Variants in HCN1 observed in about 807,000 individuals in gnomAD.
The protein encoded by HCN1 is potassium/sodium hyperpolarization-activated cyclic nucleotide-gated channel 1.
A neutral mutation model predicts 78.9 loss-of-function variants in HCN1; 13 were observed. That is an observed-to-expected ratio of 0.16 (90% CI 0.11 to 0.26). HCN1 has a LOEUF of 0.26. HCN1 is among the 10% of genes least tolerant of loss of function. HCN1 has a pLI of 1.00. For synonymous variants in HCN1, 552 were observed against 455.5 expected, an observed-to-expected ratio of 1.21 and a Z score of -2.70; for missense variants, 810 against 1,154.3, an observed-to-expected ratio of 0.70 and a Z score of 4.32.
chr5:45,290,790 A>AG (rs1259019997), intron 6 of HCN1, among the ~76,000 whole-genome samples: 1 of 152,050 alleles, frequency 6.6e-6, no homozygotes, highest in Non-Finnish European at 1.5e-5. Flanking sequence ...ATAGTCTCAT[A>AG]GTTTCCATAT....
intron 5 of HCN1, among the ~76,000 whole-genome samples, chr5:45,314,650 T>A (rs957946712): frequency 6.6e-6 from 1 of 152,080 alleles, no homozygotes; most frequent in Non-Finnish European, 1.5e-5. Flanking sequence ...GACCCATCAG[T>A]GTGCTGTATT....
At chr5:45,542,190 C>T (rs1743118448) in intron 2 of HCN1, among the ~76,000 whole-genome samples, 1 of 152,064 alleles carries the variant, frequency 6.6e-6, no homozygotes, top group Admixed American at 6.6e-5. Flanking sequence ...CACATTTTTC[C>T]TTCCTAACCA....
chr5:45,566,452 T>C (rs1359780720), intron 2 of HCN1, among the ~76,000 whole-genome samples: 2 of 152,204 alleles, frequency 1.3e-5, no homozygotes, highest in East Asian at 3.8e-4. Context: ...GTCACAATTA[T>C]ATTTCCATAA....
In HCN1 at chr5:45,261,845, A is replaced by T. The variant is rs1426031237; in HGVS notation, c.*76T>A. On this transcript the variant is annotated 3_prime_UTR_variant, in exon 8 of 8. Coordinates refer to ENST00000303230, the MANE Select transcript of HCN1 (RefSeq NM_021072.4). ...TAGTAGGCTAGAGGGATCTATCAGG[A>T]GATAGAATAAAATAAGATCTGAGTA... The T allele has an allele frequency of 2.0e-6, 3 of 1,514,618 alleles. No individual in the cohort carries two copies. Among genetic ancestry groups the T allele is most frequent in the Non-Finnish European group, 2.7e-6 (3 of 1,093,486 alleles). 93.8% of individuals were successfully genotyped at this position (1,514,618 alleles called of 1,614,324 possible). A position where few individuals can be genotyped will look rare whatever the true frequency, so the allele number is the denominator to read the frequency against.
intron 2 of HCN1, among the ~76,000 whole-genome samples, chr5:45,518,938 G>T (rs1742566704): frequency 4.6e-5 from 7 of 151,406 alleles, no homozygotes; most frequent in Admixed American, 4.6e-4. Context: ...GATGTAAAAG[G>T]TATTTATATA....
chr5:45,510,517 A>G (rs1006792137), intron 2 of HCN1, among the ~76,000 whole-genome samples: 15 of 152,126 alleles, frequency 9.9e-5, no homozygotes, highest in African/African-American at 3.4e-4. Context: ...TGTCTGGAAC[A>G]CATAATCATC....
chr5:45,685,479 C>A (rs183340710), intron 1 of HCN1, among the ~76,000 whole-genome samples: 4 of 152,102 alleles, frequency 2.6e-5, no homozygotes, highest in Non-Finnish European at 4.4e-5. Flanking sequence ...TTTAGGAGGC[C>A]GAGCCGGGCG....
chr5:45,267,346 G>T, intron 6 of HCN1, 93 bp from the exon 7 acceptor site: 1 of 1,178,756 alleles, frequency 8.5e-7, no homozygotes, highest in Non-Finnish European at 1.2e-6. Flanking sequence ...AAGTCTCATG[G>T]TGTGAAAAAA....
At chr5:45,372,090 T>TAC (rs1747394104) in intron 4 of HCN1, among the ~76,000 whole-genome samples, 3 of 58,688 alleles carry the variant, frequency 5.1e-5, no homozygotes, top group Non-Finnish European at 8.0e-5. Context: ...AATATAATTA[T>TAC]ATATATATTT....
At chr5:45,643,542 T>G (rs552290433) in intron 2 of HCN1, 1 of 152,228 alleles carries the variant, frequency 6.6e-6, no homozygotes, top group Non-Finnish European at 1.5e-5. Context: ...AACTAAAACA[T>G]TATATATCAT....
chr5:45,509,440 G>T (rs1217922151), intron 2 of HCN1, among the ~76,000 whole-genome samples: 1 of 152,154 alleles, frequency 6.6e-6, no homozygotes, highest in Admixed American at 6.6e-5. Flanking sequence ...GAAGACTTCA[G>T]TCACCACCAC....
chr5:45,374,737 A>T (rs1340963429), intron 4 of HCN1, among the ~76,000 whole-genome samples: 1 of 148,830 alleles, frequency 6.7e-6, no homozygotes, highest in African/African-American at 2.5e-5. Context: ...CAGATACAAA[A>T]CTCCTCAACA....
intron 4 of HCN1, among the ~76,000 whole-genome samples, chr5:45,364,208 G>A (rs1409628072): frequency 5.3e-5 from 8 of 152,042 alleles, no homozygotes; most frequent in Admixed American, 3.3e-4. Flanking sequence ...GCCCAAGGCC[G>A]CCTTTTCTTT....
chr5:45,607,564 T>C (rs374859587), intron 2 of HCN1, among the ~76,000 whole-genome samples: 1 of 147,160 alleles, frequency 6.8e-6, no homozygotes, highest in Non-Finnish European at 1.5e-5. Context: ...TATAGACAAA[T>C]AGATCACAAT....
chr5:45,581,124 C>T (rs1177282563), intron 2 of HCN1, among the ~76,000 whole-genome samples: 2 of 152,228 alleles, frequency 1.3e-5, no homozygotes, highest in Non-Finnish European at 2.9e-5. Flanking sequence ...CTGACTTCCA[C>T]AATGGTTGAA....
chr5:45,508,979 T>C (rs1742358957), intron 2 of HCN1, among the ~76,000 whole-genome samples: 1 of 152,142 alleles, frequency 6.6e-6, no homozygotes, highest in African/African-American at 2.4e-5. Flanking sequence ...AAAATACCAC[T>C]ATTATAGTCA....
At chr5:45,471,365 TC>T (rs1741385624) in intron 2 of HCN1, among the ~76,000 whole-genome samples, 1 of 151,866 alleles carries the variant, frequency 6.6e-6, no homozygotes, top group African/African-American at 2.4e-5. Flanking sequence ...ACTCCAAATG[TC>T]TCAAAGATTC....
At chr5:45,364,669 A>G (rs1251131444) in intron 4 of HCN1, among the ~76,000 whole-genome samples, 1 of 152,074 alleles carries the variant, frequency 6.6e-6, no homozygotes, top group Non-Finnish European at 1.5e-5. Context: ...TTCACAAACT[A>G]ACCATCTTGT....
intron 4 of HCN1, among the ~76,000 whole-genome samples, chr5:45,389,522 G>A (rs1747997583): frequency 6.6e-6 from 1 of 152,130 alleles, no homozygotes; most frequent in Non-Finnish European, 1.5e-5. Flanking sequence ...GATGAGAGGA[G>A]GTACCATGTC....
Sources: gnomAD v4.1 joint callset for allele counts (sites outside exome capture counted in the v4.1 genomes callset) on GRCh38, gnomAD v4.1.1 for gene constraint, MANE v1.5 for transcripts, NCBI Gene and HGNC (gene_info 2026-07-23, HGNC 2026-07-21) for gene names.